The following DSCAM variants were observed in gnomAD, a reference collection of about 807,000 sequenced individuals.
DSCAM encodes the protein DS cell adhesion molecule.
A neutral mutation model predicts 217.7 loss-of-function variants in DSCAM; 47 were observed. The ratio of observed to expected loss-of-function variants is 0.22; its 90% confidence interval spans 0.17 to 0.28. DSCAM has a LOEUF of 0.28. DSCAM is among the 10% of genes least tolerant of loss of function. The probability of loss-of-function intolerance (pLI) is 1.00; values close to 1 mark genes in which losing one functional copy is unlikely to be tolerated. For missense variants in DSCAM, 2,080 were observed against 2,618.3 expected, an observed-to-expected ratio of 0.79 and a Z score of 4.49; for synonymous variants, 1,056 against 1,015.3, an observed-to-expected ratio of 1.04 and a Z score of -0.76.
chr21:40,791,332 G>A (rs1462510636), intron 1 of DSCAM, among the ~76,000 whole-genome samples: 4 of 151,634 alleles, frequency 2.6e-5, no homozygotes, highest in Non-Finnish European at 5.9e-5. Context: ...CGTTGGCTTA[G>A]TATTGCTATT....
At chr21:40,381,062 CAA>C (rs71186932) in intron 3 of DSCAM, among the ~76,000 whole-genome samples, 1,131 of 66,158 alleles carry the variant, frequency 0.017, 14 homozygotes, top group African/African-American at 0.063. Flanking sequence ...GACTCCGTCT[CAA>C]AAAAAAAAAA....
chr21:40,527,674 A>C (rs1293517482), intron 3 of DSCAM, among the ~76,000 whole-genome samples: 7 of 152,240 alleles, frequency 4.6e-5, no homozygotes, highest in Admixed American at 6.5e-5. Context: ...CATTGTTCTA[A>C]GCCACTAAGT....
At chr21:40,199,722 C>T (rs1171746096) in intron 11 of DSCAM, among the ~76,000 whole-genome samples, 1 of 152,050 alleles carries the variant, frequency 6.6e-6, no homozygotes, top group African/African-American at 2.4e-5. Flanking sequence ...GGGAGTTGAT[C>T]AATGAGAATA....
intron 3 of DSCAM, among the ~76,000 whole-genome samples, chr21:40,412,384 C>T (rs1601622435): frequency 6.6e-6 from 1 of 152,116 alleles, no homozygotes; most frequent in Non-Finnish European, 1.5e-5. Flanking sequence ...CTCCCTAGAG[C>T]CTAGTTGAAT....
chr21:40,538,372 T>C (rs554136876), intron 3 of DSCAM, among the ~76,000 whole-genome samples: 2 of 152,288 alleles, frequency 1.3e-5, no homozygotes, highest in African/African-American at 4.8e-5. Flanking sequence ...GACCCGGAGC[T>C]GTTGGCTTCA....
intron 4 of DSCAM, among the ~76,000 whole-genome samples, chr21:40,358,471 A>G (rs559042793): frequency 6.6e-6 from 1 of 152,306 alleles, no homozygotes; most frequent in South Asian, 2.1e-4. Context: ...ACACTAAGAA[A>G]ACAAGCAAAA....
chr21:40,512,617 T>G (rs141582394), intron 3 of DSCAM, among the ~76,000 whole-genome samples: 4 of 152,262 alleles, frequency 2.6e-5, no homozygotes, highest in African/African-American at 9.6e-5. Context: ...GACTTCTGAT[T>G]ATTTGATTAA....
chr21:40,225,341 T>A (rs1017191097), intron 11 of DSCAM, among the ~76,000 whole-genome samples: 4 of 152,146 alleles, frequency 2.6e-5, no homozygotes, highest in Admixed American at 2.0e-4. Flanking sequence ...ACATCTGCCT[T>A]GTGTTTAGAA....
At chr21:40,675,391 TG>T (rs146475239) in intron 3 of DSCAM, among the ~76,000 whole-genome samples, 24,287 of 152,134 alleles carry the variant, frequency 0.16, 2,014 homozygotes, top group East Asian at 0.23. Flanking sequence ...AATGTATACT[TG>T]GGCCTATTTG....
At chr21:40,084,501 AACACACACACAC>A (rs145863686) in intron 23 of DSCAM, among the ~76,000 whole-genome samples, 8,490 of 137,650 alleles carry the variant, frequency 0.062, 311 homozygotes, top group East Asian at 0.11. Flanking sequence ...TCCAAGATGC[AACACACACACAC>A]ACACACACAC....
chr21:40,423,446 G>A (rs1044615777), intron 3 of DSCAM, among the ~76,000 whole-genome samples: 10 of 152,206 alleles, frequency 6.6e-5, no homozygotes, highest in African/African-American at 2.2e-4. Flanking sequence ...AGGGCACTGC[G>A]CATGCGGGAA....
chr21:40,481,950 G>A (rs2075986866), intron 3 of DSCAM, among the ~76,000 whole-genome samples: 1 of 152,184 alleles, frequency 6.6e-6, no homozygotes, highest in South Asian at 2.1e-4. Flanking sequence ...ATCCAAAGTG[G>A]ATCCTGTCAC....
At chr21:40,651,065 A>T (rs1188799767) in intron 3 of DSCAM, among the ~76,000 whole-genome samples, 1 of 152,100 alleles carries the variant, frequency 6.6e-6, no homozygotes, top group East Asian at 1.9e-4. Context: ...TCCGAGGAAA[A>T]GTTGAGGTCT....
chr21:40,233,134 T>G (rs982026140), intron 11 of DSCAM, among the ~76,000 whole-genome samples: 4 of 152,038 alleles, frequency 2.6e-5, no homozygotes, highest in African/African-American at 9.7e-5. Context: ...GTGACGACAG[T>G]TTACCTGTAT....
intron 3 of DSCAM, among the ~76,000 whole-genome samples, chr21:40,508,734 AATAT>A (rs760072956): frequency 8.9e-4 from 41 of 45,836 alleles, no homozygotes; most frequent in East Asian, 1.4e-3. Flanking sequence ...ACACCCGGCA[AATAT>A]ATATATATAT....
At chr21:40,409,358 CAT>C (rs891073297) in intron 3 of DSCAM, among the ~76,000 whole-genome samples, 6 of 152,272 alleles carry the variant, frequency 3.9e-5, no homozygotes, top group Non-Finnish European at 7.4e-5. Flanking sequence ...ATTTGGAAAA[CAT>C]GCAGGGAAGC....
intron 9 of DSCAM, among the ~76,000 whole-genome samples, chr21:40,302,064 C>T (rs2074022623): frequency 6.6e-6 from 1 of 152,178 alleles, no homozygotes; most frequent in Non-Finnish European, 1.5e-5. Context: ...TATAATTCCC[C>T]AAGGTTGTTG....
intron 11 of DSCAM, among the ~76,000 whole-genome samples, chr21:40,205,089 C>T (rs749037509): frequency 5.3e-5 from 8 of 152,184 alleles, no homozygotes; most frequent in Non-Finnish European, 8.8e-5. Context: ...TATTTTATGA[C>T]CCAGCAACTC....
At chr21:40,437,789 G>T (rs1749090325) in intron 3 of DSCAM, among the ~76,000 whole-genome samples, 3 of 152,166 alleles carry the variant, frequency 2.0e-5, no homozygotes, top group South Asian at 2.1e-4. Context: ...GGCAGAGGTT[G>T]CAGTGAGCCG....
Sources: allele counts gnomAD v4.1 joint callset (sites outside exome capture counted in the v4.1 genomes callset), GRCh38; gene constraint gnomAD v4.1.1; transcripts MANE v1.5; gene names NCBI Gene and HGNC (gene_info 2026-07-23, HGNC 2026-07-21).